MYO1H: variants seen among roughly 807,000 people sequenced by gnomAD.
The protein encoded by MYO1H is unconventional myosin-Ih.
A neutral mutation model predicts 149.3 loss-of-function variants in MYO1H; 118 were observed. That is an observed-to-expected ratio of 0.79 (90% confidence interval 0.68 to 0.92). The LOEUF is 0.92. Among genes scored for constraint, MYO1H ranks in the 40% least tolerant of loss-of-function variants. The probability of loss-of-function intolerance (pLI) is 0.00; values close to 1 mark genes in which losing one functional copy is unlikely to be tolerated. For missense variants in MYO1H, 1,212 were observed against 1,280.7 expected, an observed-to-expected ratio of 0.95 and a Z score of 0.82; for synonymous variants, 447 against 465.2, an observed-to-expected ratio of 0.96 and a Z score of 0.50.
At chr12:109,337,338 A>G in the MYO1H span, among the ~76,000 whole-genome samples, 3 of 152,232 alleles carry the variant, frequency 2.0e-5, no homozygotes, top group African/African-American at 7.2e-5. Flanking sequence ...GGAACCATGC[A>G]GAGAGCTATC....
chr12:109,356,390 T>G (rs745818485), intron 1 of MYO1H, among the ~76,000 whole-genome samples: 13 of 43,408 alleles, frequency 3.0e-4, no homozygotes, highest in South Asian at 4.9e-4. Flanking sequence ...TTTGTTTTTG[T>G]TTTTTTTTTG....
chr12:109,368,640 T>TAAAAAAAAAA lies in MYO1H; in HGVS notation c.13-20032_13-20023dup, dbSNP rs56146617. Among the ~76,000 whole-genome samples, 245 of 113,122 alleles carry TAAAAAAAAAA rather than the reference T, an allele frequency of 2.2e-3. 1 individual carries two copies. Among genetic ancestry groups the TAAAAAAAAAA allele is most frequent in the African/African-American group, 4.6e-3 (144 of 31,316 alleles). The allele number at this position is 113,122 out of a possible 152,430, so 74.2% of individuals were successfully genotyped here. ...TGGGCAACAAAGCAAGACTCCATCT[T>TAAAAAAAAAA]AAAAAAAAAAAAAAAAAAAAGGGTT... On this transcript the variant is annotated intron_variant, in intron 1 of 31. Transcript: ENST00000310903.
At chr12:109,348,238 G>A (rs993145116) in intron 1 of MYO1H, among the ~76,000 whole-genome samples, 4 of 152,204 alleles carry the variant, frequency 2.6e-5, no homozygotes, top group Non-Finnish European at 2.9e-5. Flanking sequence ...CTAGAACAGC[G>A]TGCTGTGCAA....
At chr12:109,353,784 T>C (rs1400991973) in intron 1 of MYO1H, among the ~76,000 whole-genome samples, 2 of 152,092 alleles carry the variant, frequency 1.3e-5, no homozygotes, top group African/African-American at 4.8e-5. Flanking sequence ...CCTAAGTAGC[T>C]GGTATTACAG....
At chr12:109,433,111 GGATTTATGGAGATTTGCGA>G in intron 20 of MYO1H, 101 bp downstream of exon 20, 2 of 927,546 alleles carry the variant, frequency 2.2e-6, no homozygotes, top group East Asian at 4.9e-5. Context: ...CGATTCCTAG[GGATTTATGGAGATTTGCGA>G]GATTTATGCT....
chr12:109,444,658 G>T, intron 30 of MYO1H, 129 bp downstream of exon 30: 1 of 719,478 alleles, frequency 1.4e-6, no homozygotes, highest in Non-Finnish European at 2.4e-6. Context: ...CTTGAGGCTA[G>T]GAGTTCAAGA....
chr12:109,447,608 A>G (rs191009806), exon 32 of MYO1H: 1 of 203,130 alleles, frequency 4.9e-6, no homozygotes, highest in African/African-American at 2.3e-5. Flanking sequence ...GGGCAGGGCC[A>G]CTGTCTGGGT....
intron 20 of MYO1H, 78 bp downstream of exon 20, chr12:109,433,088 G>C: frequency 8.5e-7 from 1 of 1,169,718 alleles, no homozygotes. Flanking sequence ...TATCCATCTA[G>C]AGCCTGGAGA....
chr12:109,398,430 A>G (rs1391145247), intron 5 of MYO1H, among the ~76,000 whole-genome samples: 1 of 152,026 alleles, frequency 6.6e-6, no homozygotes, highest in African/African-American at 2.4e-5. Flanking sequence ...GCATGATATC[A>G]TTTTTTCCAT....
chr12:109,422,117 C>A (rs1206009774), intron 16 of MYO1H, among the ~76,000 whole-genome samples: 1 of 152,184 alleles, frequency 6.6e-6, no homozygotes, highest in Admixed American at 6.5e-5. Context: ...CTGCGCCATG[C>A]CTAAAACCTT....
intron 1 of MYO1H, among the ~76,000 whole-genome samples, chr12:109,376,767 T>C (rs1357357158): frequency 6.6e-6 from 1 of 152,238 alleles, no homozygotes; most frequent in African/African-American, 2.4e-5. Flanking sequence ...ATACAGATTA[T>C]CTTGGCTATT....
chr12:109,329,739 T>G, the MYO1H span, among the ~76,000 whole-genome samples: 1 of 152,238 alleles, frequency 6.6e-6, no homozygotes, highest in Non-Finnish European at 1.5e-5. Flanking sequence ...CTTACCATGA[T>G]GCTGTGCTCC....
chr12:109,324,234 T>G, the MYO1H span, among the ~76,000 whole-genome samples: 1 of 152,176 alleles, frequency 6.6e-6, no homozygotes, highest in African/African-American at 2.4e-5. Flanking sequence ...GCGCTGGGCT[T>G]TCTTACAGCT....
At chr12:109,379,632 A>T (rs751529074) in intron 1 of MYO1H, among the ~76,000 whole-genome samples, 3 of 152,182 alleles carry the variant, frequency 2.0e-5, no homozygotes, top group Non-Finnish European at 4.4e-5. Flanking sequence ...GAAAAATAGC[A>T]TATATAGTTT....
At chr12:109,349,829 G>T (rs1040471536) in intron 1 of MYO1H, among the ~76,000 whole-genome samples, 4 of 151,118 alleles carry the variant, frequency 2.6e-5, no homozygotes, top group African/African-American at 9.7e-5. Context: ...GGCGTGGTAG[G>T]GGGTGCCTAT....
chr12:109,380,483 G>C (rs1245700136), intron 1 of MYO1H, among the ~76,000 whole-genome samples: 1 of 152,208 alleles, frequency 6.6e-6, no homozygotes, highest in Non-Finnish European at 1.5e-5. Flanking sequence ...GGTTTACCCT[G>C]AGGACAAAGA....
At chr12:109,414,359 C>G (rs551896874) in intron 14 of MYO1H, among the ~76,000 whole-genome samples, 8 of 150,936 alleles carry the variant, frequency 5.3e-5, no homozygotes, top group African/African-American at 1.9e-4. Context: ...CGCCTGTAAT[C>G]CCAGCTACTC....
At chr12:109,318,667 C>T in the MYO1H span, among the ~76,000 whole-genome samples, 1 of 152,118 alleles carries the variant, frequency 6.6e-6, no homozygotes, top group Non-Finnish European at 1.5e-5. Context: ...ATAGACTGGA[C>T]CAACACACTC....
At chr12:109,352,842 G>A (rs945311335) in intron 1 of MYO1H, among the ~76,000 whole-genome samples, 32 of 151,996 alleles carry the variant, frequency 2.1e-4, no homozygotes, top group African/African-American at 6.8e-4. Context: ...TTTCTTTCGA[G>A]GTAAATAGTA....
Sources: allele counts gnomAD v4.1 joint callset (sites outside exome capture counted in the v4.1 genomes callset), GRCh38; gene constraint gnomAD v4.1.1; transcripts MANE v1.5; gene names NCBI Gene and HGNC (gene_info 2026-07-23, HGNC 2026-07-21).